The following MARCHF1 variants were observed in gnomAD, a reference collection of about 807,000 sequenced individuals.
The protein encoded by MARCHF1 is membrane associated ring-CH-type finger 1.
A neutral mutation model predicts 54.2 loss-of-function variants in MARCHF1; 40 were observed. That is an observed-to-expected ratio of 0.74 (90% CI 0.57 to 0.96). The LOEUF is 0.96. MARCHF1 is among the 40% of genes least tolerant of loss of function. The pLI, the probability that MARCHF1 is intolerant of heterozygous loss-of-function variation, is 0.00. For synonymous variants in MARCHF1, 236 were observed against 236.3 expected (o/e 1.00, Z 0.01); for missense variants, 586 against 656.5 (o/e 0.89, Z 1.17).
chr4:164,096,063 G>A (rs1027736353), intron 2 of MARCHF1, among the ~76,000 whole-genome samples: 1 of 152,108 alleles, frequency 6.6e-6, no homozygotes, highest in Non-Finnish European at 1.5e-5. Context: ...TCCCATTACT[G>A]GGTACATACC....
chr4:164,360,043 C>T (rs545548028), intron 1 of MARCHF1, among the ~76,000 whole-genome samples: 14 of 152,124 alleles, frequency 9.2e-5, no homozygotes, highest in East Asian at 5.8e-4. Flanking sequence ...AATCAGTATG[C>T]GGGCAGGTAT....
intron 3 of MARCHF1, among the ~76,000 whole-genome samples, chr4:163,952,191 C>T (rs563876452): frequency 1.2e-4 from 18 of 152,196 alleles, no homozygotes; most frequent in East Asian, 7.7e-4. Context: ...AAATCAAAGT[C>T]GAACACTGTT....
rs1238067150 is a variant in MARCHF1 at position 164,354,250 on chromosome 4, C to T, written c.-323+29620G>A. Among the ~76,000 whole-genome samples, 11 of 127,606 alleles carry T rather than the reference C, an allele frequency of 8.6e-5. 2 individuals are homozygous for T. Among genetic ancestry groups the T allele is most frequent in the Admixed American group, 7.7e-4 (10 of 12,956 alleles). The allele number at this position is 127,606 out of a possible 152,430, so 83.7% of individuals were successfully genotyped here. A position where few individuals can be genotyped will look rare whatever the true frequency, so the allele number is the denominator to read the frequency against. ...TCAATAGAAAGAGAGGGAACCCTCCCTAACTCATTTTATGAGGCCAGCATT... is the reference window on the plus strand; with the variant it reads ...TCAATAGAAAGAGAGGGAACCCTCCTTAACTCATTTTATGAGGCCAGCATT... On this transcript the variant is annotated intron_variant, in intron 1 of 9. Transcript: ENST00000514618.
chr4:164,335,872 T>G (rs1424285929), intron 1 of MARCHF1, among the ~76,000 whole-genome samples: 1 of 152,128 alleles, frequency 6.6e-6, no homozygotes, highest in Admixed American at 6.6e-5. Context: ...GATATTTGCT[T>G]TAATACAGTG....
intron 1 of MARCHF1, among the ~76,000 whole-genome samples, chr4:164,179,004 A>AT (rs1560941526): frequency 6.6e-6 from 1 of 152,028 alleles, no homozygotes; most frequent in Non-Finnish European, 1.5e-5. Flanking sequence ...GCTGCAGTTT[A>AT]TAGAGAACAC....
chr4:164,352,032 G>A (rs1469651398), intron 1 of MARCHF1, among the ~76,000 whole-genome samples: 1 of 132,734 alleles, frequency 7.5e-6, no homozygotes. Flanking sequence ...TGAAATGAAT[G>A]AAATGAAGCG....
chr4:164,101,178 G>C (rs1006945035), intron 2 of MARCHF1, among the ~76,000 whole-genome samples: 2 of 152,230 alleles, frequency 1.3e-5, no homozygotes, highest in East Asian at 1.9e-4. Context: ...CAGCAGCGAG[G>C]CCGGGGGAGG....
At chr4:164,228,845 G>A (rs900807797) in intron 1 of MARCHF1, among the ~76,000 whole-genome samples, 9 of 152,148 alleles carry the variant, frequency 5.9e-5, no homozygotes, top group Non-Finnish European at 8.8e-5. Flanking sequence ...TTAATAGAGG[G>A]AGGAGAGGAA....
intron 1 of MARCHF1, among the ~76,000 whole-genome samples, chr4:164,204,791 C>G (rs983407325): frequency 1.3e-5 from 2 of 152,180 alleles, no homozygotes; most frequent in Non-Finnish European, 2.9e-5. Flanking sequence ...TCAGCAGTGA[C>G]ACTTCCAGCC....
At chr4:164,260,149 T>G (rs1470547737) in intron 1 of MARCHF1, among the ~76,000 whole-genome samples, 1 of 152,200 alleles carries the variant, frequency 6.6e-6, no homozygotes, top group Non-Finnish European at 1.5e-5. Context: ...TCTTTTCTCC[T>G]AACTCAGGGT....
chr4:163,769,409 G>A (rs1463698048), intron 4 of MARCHF1, among the ~76,000 whole-genome samples: 2 of 152,072 alleles, frequency 1.3e-5, no homozygotes, highest in South Asian at 2.1e-4. Flanking sequence ...GTCTAGCCCT[G>A]AGCTAAGCAT....
intron 2 of MARCHF1, among the ~76,000 whole-genome samples, chr4:163,989,632 TA>T (rs942774846): frequency 6.6e-5 from 10 of 152,136 alleles, no homozygotes; most frequent in Admixed American, 1.3e-4. Context: ...TTTTTAAATT[TA>T]AAAAAAATTC....
At chr4:164,181,838 G>A (rs2111016096) in intron 1 of MARCHF1, among the ~76,000 whole-genome samples, 1 of 152,232 alleles carries the variant, frequency 6.6e-6, no homozygotes, top group South Asian at 2.1e-4. Flanking sequence ...TTGGTTTCAA[G>A]TTAATGTATT....
chr4:164,105,919 G>GA lies in MARCHF1; in HGVS notation c.-248+5668dup, dbSNP rs1196668707. Among the ~76,000 whole-genome samples, 4 of 146,930 alleles carry GA rather than the reference G, an allele frequency of 2.7e-5. No homozygotes were observed. In the South Asian group the frequency reaches 6.5e-4, roughly 24 times the overall value. ...ACAATGAACTCAAACAAATTTACAA[G>GA]AAAAAAACAAACAACCCCATCAAAA... is the stretch of plus-strand genomic sequence containing the variant. On this transcript the variant is annotated intron_variant, in intron 2 of 9. Transcript: ENST00000514618.
At chr4:164,269,602 C>T (rs941114517) in intron 1 of MARCHF1, among the ~76,000 whole-genome samples, 4 of 152,060 alleles carry the variant, frequency 2.6e-5, no homozygotes, top group Admixed American at 1.3e-4. Flanking sequence ...TGTTATTATA[C>T]ATTGACATTG....
chr4:163,997,235 A>G (rs1304888834), intron 2 of MARCHF1, among the ~76,000 whole-genome samples: 2 of 152,030 alleles, frequency 1.3e-5, no homozygotes, highest in African/African-American at 2.4e-5. Context: ...GTGTTACCCT[A>G]CATGTTGGTT....
chr4:164,014,471 A>G (rs1753494740), intron 2 of MARCHF1, among the ~76,000 whole-genome samples: 1 of 152,150 alleles, frequency 6.6e-6, no homozygotes, highest in African/African-American at 2.4e-5. Flanking sequence ...AAAAGAAGAC[A>G]GGAAGGAAGG....
At chr4:164,085,260 C>T (rs1755171589) in intron 2 of MARCHF1, among the ~76,000 whole-genome samples, 1 of 151,776 alleles carries the variant, frequency 6.6e-6, no homozygotes, top group South Asian at 2.1e-4. Context: ...CTCAGATATA[C>T]TTTAATTTAT....
intron 1 of MARCHF1, among the ~76,000 whole-genome samples, chr4:164,199,486 T>C (rs780880146): frequency 4.6e-5 from 7 of 151,860 alleles, no homozygotes; most frequent in Non-Finnish European, 8.8e-5. Flanking sequence ...TACCAAAAAA[T>C]ACAAAAGTTA....
Sources: allele counts gnomAD v4.1 joint callset (sites outside exome capture counted in the v4.1 genomes callset), GRCh38; gene constraint gnomAD v4.1.1; transcripts MANE v1.5; gene names NCBI Gene and HGNC (gene_info 2026-07-23, HGNC 2026-07-21).